The following PHF14 variants were observed in gnomAD, a reference collection of about 807,000 sequenced individuals.
The protein encoded by PHF14 is PHD finger protein 14.
PHF14 carries 55 observed loss-of-function variants against 117.9 expected under a neutral mutation model. That is an observed-to-expected ratio of 0.47 (90% confidence interval 0.38 to 0.58). The LOEUF (loss-of-function observed/expected upper bound fraction) is 0.58, where lower values mean the gene tolerates loss of function less well. Among genes scored for constraint, PHF14 ranks in the 20% least tolerant of loss-of-function variants. The pLI is 0.00. For missense variants in PHF14, 978 were observed against 1,122.2 expected, an observed-to-expected ratio of 0.87 and a Z score of 1.84; for synonymous variants, 409 against 368.6, an observed-to-expected ratio of 1.11 and a Z score of -1.26.
intron 16 of PHF14, chr7:11,103,073 A>G: frequency 5.1e-6 from 5 of 979,044 alleles, no homozygotes; most frequent in Non-Finnish European, 6.1e-6. Context: ...ACTGCATTGT[A>G]AAACAACTAT....
intron 16 of PHF14, chr7:11,105,709 G>T: frequency 1.0e-6 from 1 of 984,646 alleles, no homozygotes; most frequent in Non-Finnish European, 1.2e-6. Flanking sequence ...CTCTATAAAA[G>T]TGGAAGCCTC....
intron 13 of PHF14, among the ~76,000 whole-genome samples, chr7:11,049,577 A>C (rs922026427): frequency 6.6e-6 from 1 of 152,140 alleles, no homozygotes; most frequent in Non-Finnish European, 1.5e-5. Context: ...TTACAATTTA[A>C]TGCTGAAAAG....
intron 17 of PHF14, among the ~76,000 whole-genome samples, chr7:11,122,352 T>TATATATATATATAC: frequency 7.6e-5 from 5 of 65,858 alleles, no homozygotes; most frequent in African/African-American, 3.6e-4. Context: ...TATATATATA[T>TATATATATATATAC]ACACACACAC....
At chr7:11,125,018 TAACTC>T (rs1463554038) in intron 17 of PHF14, among the ~76,000 whole-genome samples, 4 of 152,042 alleles carry the variant, frequency 2.6e-5, no homozygotes, top group Admixed American at 6.6e-5. Flanking sequence ...GAAGATGAGG[TAACTC>T]AACTCCTCAG....
chr7:11,050,763 A>G (rs1784829480), intron 13 of PHF14, among the ~76,000 whole-genome samples: 1 of 152,164 alleles, frequency 6.6e-6, no homozygotes, highest in African/African-American at 2.4e-5. Context: ...TTCTTTATAA[A>G]TGCTACTTTA....
chr7:11,012,204 A>G (rs1285144946), intron 4 of PHF14, among the ~76,000 whole-genome samples: 1 of 152,196 alleles, frequency 6.6e-6, no homozygotes, highest in Non-Finnish European at 1.5e-5. Flanking sequence ...TGCAGCTTTG[A>G]TAAATAATCT....
intron 8 of PHF14, among the ~76,000 whole-genome samples, chr7:11,036,147 T>C (rs567891748): frequency 6.6e-6 from 1 of 152,282 alleles, no homozygotes; most frequent in South Asian, 2.1e-4. Flanking sequence ...ATGGAGACAA[T>C]AGCAGTTATT....
intron 3 of PHF14, among the ~76,000 whole-genome samples, chr7:10,987,666 A>G (rs1426258038): frequency 2.0e-5 from 3 of 151,764 alleles, no homozygotes; most frequent in Admixed American, 6.6e-5. Context: ...TTCAAAACCT[A>G]TTTTCCTGAT....
intron 7 of PHF14, 28 bp from the exon 8 acceptor site, chr7:11,035,612 A>G (rs745670891): frequency 2.7e-6 from 4 of 1,496,148 alleles, no homozygotes; most frequent in Non-Finnish European, 3.6e-6. Context: ...ACAAATGTTC[A>G]CTATTTTTCT....
At chr7:11,106,001 G>A in intron 16 of PHF14, 3 of 984,890 alleles carry the variant, frequency 3.0e-6, no homozygotes, top group Non-Finnish European at 2.4e-6. Flanking sequence ...AAGGGCATGA[G>A]CAGATGGAAA....
In PHF14 at chr7:11,006,094, G is replaced by T. The variant is rs79173355; in HGVS notation, c.1046-7653G>T. 1.4e-4 allele frequency among the ~76,000 whole-genome samples: 21 copies of T among 152,158 alleles called. No individual in the cohort carries two copies. In the South Asian group the frequency reaches 4.4e-3, roughly 32 times the overall value. On this transcript the variant is annotated intron_variant, in intron 4 of 17. Coordinates refer to ENST00000634607, the MANE Select transcript of PHF14 (RefSeq NM_001007157.2). ...GGGAAGTAAAATTTCTTAGTCAAAA[G>T]ATAAGTGTATTTAAACTTCTAAAAA... is the stretch of plus-strand genomic sequence containing the variant.
chr7:11,083,655 G>GTT (rs984865196), intron 16 of PHF14, among the ~76,000 whole-genome samples: 6 of 151,704 alleles, frequency 4.0e-5, no homozygotes, highest in Non-Finnish European at 5.9e-5. Context: ...TAGAGACAGG[G>GTT]TTTCACCATC....
Position 11,130,070 on chromosome 7 carries a change from T to G in PHF14, c.2772+18603T>G, listed in dbSNP as rs972331145. On this transcript the variant is annotated intron_variant, in intron 17 of 17. Coordinates refer to ENST00000634607, the MANE Select transcript of PHF14 (RefSeq NM_001007157.2). This position sits in a 1 kb window ranked among gnomAD's most constrained non-coding sequence, Gnocchi z 4.2. ...ATTTCTCATTCATGTAACGTATCAG[T>G]ACAGGTTGACAGAGCAGCTCTGCTC... Among the ~76,000 whole-genome samples, 1 of 151,918 alleles carries G rather than the reference T, an allele frequency of 6.6e-6. No homozygotes were observed. Among genetic ancestry groups the G allele is most frequent in the African/African-American group, 2.4e-5 (1 of 41,390 alleles).
chr7:11,118,548 G>A (rs1398616870), intron 17 of PHF14, among the ~76,000 whole-genome samples: 1 of 151,346 alleles, frequency 6.6e-6, no homozygotes, highest in East Asian at 1.9e-4. Context: ...GTGTTTTATT[G>A]TTCATACTGA....
At chr7:11,161,538 T>C (rs1210244950) in intron 17 of PHF14, among the ~76,000 whole-genome samples, 1 of 151,952 alleles carries the variant, frequency 6.6e-6, no homozygotes, top group Non-Finnish European at 1.5e-5. Context: ...ATCTGAAAAA[T>C]CTGACTATGG....
intron 11 of PHF14, 64 bp downstream of exon 11, chr7:11,038,919 G>C: frequency 1.5e-6 from 1 of 687,780 alleles, no homozygotes; most frequent in East Asian, 3.0e-5. Context: ...TCAAAGAACA[G>C]ATTTTTGATA....
At chr7:11,013,495 G>T (rs1161918599) in intron 4 of PHF14, among the ~76,000 whole-genome samples, 1 of 151,930 alleles carries the variant, frequency 6.6e-6, no homozygotes, top group East Asian at 1.9e-4. Flanking sequence ...AAAATTTATT[G>T]TTTTCCCACC....
chr7:11,031,994 C>T (rs1784136428), intron 7 of PHF14, among the ~76,000 whole-genome samples: 2 of 152,098 alleles, frequency 1.3e-5, no homozygotes, highest in Admixed American at 1.3e-4. Context: ...GTGGCACACG[C>T]CTGTAATCCC....
chr7:11,149,438 A>C (rs886731156), intron 17 of PHF14, among the ~76,000 whole-genome samples: 3 of 151,042 alleles, frequency 2.0e-5, no homozygotes, highest in African/African-American at 7.3e-5. Flanking sequence ...TCTACAGACT[A>C]AAAAAAAATG....
Sources: allele counts gnomAD v4.1 joint callset (sites outside exome capture counted in the v4.1 genomes callset), GRCh38; gene constraint gnomAD v4.1.1; non-coding constraint Gnocchi (gnomAD v3.1); transcripts MANE v1.5; gene names NCBI Gene and HGNC (gene_info 2026-07-23, HGNC 2026-07-21).